RABGAP1L: variants seen among roughly 807,000 people sequenced by gnomAD.
The protein encoded by RABGAP1L is RAB GTPase activating protein 1 like.
RABGAP1L carries 63 observed loss-of-function variants against 137.7 expected under a neutral mutation model. The ratio of observed to expected loss-of-function variants is 0.46; its 90% CI spans 0.37 to 0.56. RABGAP1L has a LOEUF of 0.56. Ranked by LOEUF, RABGAP1L falls within the 20% of genes least tolerant of loss-of-function variation. The pLI is 0.00. For missense variants in RABGAP1L, 1,095 were observed against 1,244.0 expected, an observed-to-expected ratio of 0.88 and a Z score of 1.80; for synonymous variants, 431 against 433.7, an observed-to-expected ratio of 0.99 and a Z score of 0.08.
At chr1:174,768,550 C>A (rs969361907) in intron 18 of RABGAP1L, among the ~76,000 whole-genome samples, 3 of 152,230 alleles carry the variant, frequency 2.0e-5, no homozygotes, top group Non-Finnish European at 4.4e-5. Context: ...AGTAAACACA[C>A]TGTACATGCG....
chr1:174,851,726 G>T (rs1648390177), intron 19 of RABGAP1L, among the ~76,000 whole-genome samples: 1 of 150,538 alleles, frequency 6.6e-6, no homozygotes, highest in African/African-American at 2.5e-5. Context: ...CTCTGTGGTT[G>T]CCCAGGCTGG....
chr1:174,699,153 C>T (rs963933195), intron 15 of RABGAP1L, among the ~76,000 whole-genome samples: 15 of 151,988 alleles, frequency 9.9e-5, no homozygotes, highest in African/African-American at 1.7e-4. Flanking sequence ...TTGCCACACT[C>T]GGCTAATTTT....
Position 174,675,917 on chromosome 1 carries a change from T to G in RABGAP1L, c.1825-7605T>G, listed in dbSNP as rs527559291. 4.6e-5 allele frequency among the ~76,000 whole-genome samples: 7 copies of G among 152,294 alleles called. 1 individual carries two copies. In the South Asian group the frequency reaches 1.5e-3, roughly 32 times the overall value. Reference sequence around the variant, plus strand: ...AGCCAGATTTGTATTCTTATTCATATGTAACAAAAACCTTGCTAGCACAGT... The same window carrying G: ...AGCCAGATTTGTATTCTTATTCATAGGTAACAAAAACCTTGCTAGCACAGT... On this transcript the variant is annotated intron_variant, in intron 14 of 25. Transcript: ENST00000681986.
intron 8 of RABGAP1L, 66 bp from the exon 9 acceptor site, chr1:174,275,765 AAG>A (rs1674946948): frequency 8.7e-7 from 1 of 1,149,812 alleles, no homozygotes; most frequent in South Asian, 1.5e-5. Context: ...TGCTTAAAGT[AAG>A]ATGTAATTTA....
chr1:174,681,182 A>G (rs1458874713), intron 14 of RABGAP1L, among the ~76,000 whole-genome samples: 3 of 152,220 alleles, frequency 2.0e-5, no homozygotes, highest in Non-Finnish European at 4.4e-5. Flanking sequence ...ATAAACTTAC[A>G]TTTAACATTT....
At chr1:174,540,670 A>G (rs1020170457) in intron 13 of RABGAP1L, among the ~76,000 whole-genome samples, 1 of 150,828 alleles carries the variant, frequency 6.6e-6, no homozygotes, top group Non-Finnish European at 1.5e-5. Context: ...TTTTGGTACC[A>G]GTACCATGCT....
At chr1:174,873,552 C>T (rs1652552658) in intron 19 of RABGAP1L, among the ~76,000 whole-genome samples, 1 of 148,640 alleles carries the variant, frequency 6.7e-6, no homozygotes, top group South Asian at 2.1e-4. Context: ...CTCCCTCTGT[C>T]GCCCAGGCTG....
intron 13 of RABGAP1L, among the ~76,000 whole-genome samples, chr1:174,466,958 A>G (rs1483260792): frequency 6.6e-6 from 1 of 152,218 alleles, no homozygotes. Flanking sequence ...ATGTGAAATA[A>G]TGATATATAA....
At chr1:174,245,064 T>C (rs1406606950) in intron 5 of RABGAP1L, 4 of 152,254 alleles carry the variant, frequency 2.6e-5, no homozygotes, top group African/African-American at 9.6e-5. Flanking sequence ...AACGTGTTCC[T>C]TGCATGGGAA....
chr1:174,722,236 A>G lies in RABGAP1L; in HGVS notation c.2169+19980A>G, dbSNP rs534968656. On this transcript the variant is annotated intron_variant, in intron 17 of 25. Transcript: ENST00000681986. ...AGCCACCGCGCCTGGCCGATACTCA[A>G]TTTTTTTATGGTTGATGCCAGTCAC... Among the ~76,000 whole-genome samples, 4 of 152,142 alleles carry G rather than the reference A, an allele frequency of 2.6e-5. No homozygotes were observed. In the East Asian group the frequency reaches 5.8e-4, roughly 22 times the overall value.
At chr1:174,621,623 A>T (rs1188546566) in intron 13 of RABGAP1L, among the ~76,000 whole-genome samples, 1 of 152,206 alleles carries the variant, frequency 6.6e-6, no homozygotes, top group Non-Finnish European at 1.5e-5. Context: ...TATTTAATAA[A>T]TGGTGTTGGG....
chr1:174,512,021 A>G (rs2147806633), intron 13 of RABGAP1L, among the ~76,000 whole-genome samples: 1 of 152,314 alleles, frequency 6.6e-6, no homozygotes, highest in African/African-American at 2.4e-5. Context: ...ATAAAGTATA[A>G]TTGTACATAT....
intron 5 of RABGAP1L, chr1:174,245,114 C>G (rs1672149660): frequency 6.6e-6 from 1 of 152,286 alleles, no homozygotes; most frequent in Admixed American, 6.5e-5. Context: ...CTCTTGTTGT[C>G]AAGGCTGGAG....
intron 19 of RABGAP1L, among the ~76,000 whole-genome samples, chr1:174,858,395 G>A (rs911076986): frequency 1.3e-5 from 2 of 152,118 alleles, no homozygotes; most frequent in African/African-American, 2.4e-5. Flanking sequence ...GCAATGTCTG[G>A]AAGATATTTT....
At chr1:174,615,439 T>G (rs780387565) in intron 13 of RABGAP1L, among the ~76,000 whole-genome samples, 1 of 152,172 alleles carries the variant, frequency 6.6e-6, no homozygotes, top group Non-Finnish European at 1.5e-5. Flanking sequence ...TCTGGAAGTT[T>G]TGTCTCAGAG....
intron 7 of RABGAP1L, among the ~76,000 whole-genome samples, chr1:174,263,239 C>G (rs1673754375): frequency 6.6e-6 from 1 of 152,232 alleles, no homozygotes; most frequent in Non-Finnish European, 1.5e-5. Context: ...TTTGCCTGGG[C>G]AGTCCAACAA....
chr1:174,779,538 G>A (rs1253093482), intron 18 of RABGAP1L, among the ~76,000 whole-genome samples: 1 of 152,140 alleles, frequency 6.6e-6, no homozygotes, highest in Non-Finnish European at 1.5e-5. Context: ...AGTAGCAAAA[G>A]GCCAAAGGAT....
intron 24 of RABGAP1L, among the ~76,000 whole-genome samples, chr1:174,985,405 A>G (rs1271190612): frequency 6.6e-6 from 1 of 152,226 alleles, no homozygotes; most frequent in Non-Finnish European, 1.5e-5. Context: ...TTAAAAAAGA[A>G]AAAGACAGTA....
chr1:174,315,194 T>C (rs1041780933), intron 11 of RABGAP1L, among the ~76,000 whole-genome samples: 1 of 152,184 alleles, frequency 6.6e-6, no homozygotes, highest in Non-Finnish European at 1.5e-5. Context: ...TATTTAAAAT[T>C]GTTGTATCTT....
Sources: allele counts gnomAD v4.1 joint callset (sites outside exome capture counted in the v4.1 genomes callset), GRCh38; gene constraint gnomAD v4.1.1; transcripts MANE v1.5; gene names NCBI Gene and HGNC (gene_info 2026-07-23, HGNC 2026-07-21).